Variants in NAV2 observed in about 807,000 individuals in gnomAD.
NAV2 encodes the protein neuron navigator 2.
Under a neutral mutation model 223.2 loss-of-function variants are expected in NAV2, and 54 were observed. The ratio of observed to expected loss-of-function variants is 0.24; its 90% CI spans 0.19 to 0.30. The LOEUF (loss-of-function observed/expected upper bound fraction) is 0.30, where lower values mean the gene tolerates loss of function less well. Among genes scored for constraint, NAV2 ranks in the 10% least tolerant of loss-of-function variants. The pLI is 1.00. For synonymous variants in NAV2, 1,279 were observed against 1,239.3 expected, an observed-to-expected ratio of 1.03 and a Z score of -0.67; for missense variants, 2,806 against 3,147.5, an observed-to-expected ratio of 0.89 and a Z score of 2.60.
rs2047159422 is a variant in NAV2 at position 19,948,958 on chromosome 11, G to T, written c.2523G>T (p.Val841=). The T allele has an allele frequency of 3.1e-6, 5 of 1,613,948 alleles. No homozygotes were observed. The highest frequency in any genetic ancestry group is 2.5e-6 in the Non-Finnish European group (3 of 1,179,888). Residue 841 remains valine, a synonymous_variant, in exon 10 of 38, where the codon GTG becomes GTT. Transcript: ENST00000349880. The stretch of plus-strand genomic sequence containing the variant: ...CCCGGGGCAGTAGTGTCTGCCATGT[G>T]GACGTCTCAGACAAGGCAGGAGATG... The part of the protein sequence containing the change: ...LASRGSSVCH[V]DVSDKAGDEM...
At chr11:19,597,673 C>T in intron 1 of NAV2, among the ~76,000 whole-genome samples, 1 of 152,250 alleles carries the variant, frequency 6.6e-6, no homozygotes, top group East Asian at 1.9e-4. Flanking sequence ...CTTGTTACTT[C>T]AGAAATAATT....
chr11:19,513,881 G>T (rs1326901903), intron 1 of NAV2, among the ~76,000 whole-genome samples: 4 of 152,190 alleles, frequency 2.6e-5, no homozygotes, highest in Admixed American at 6.5e-5. Flanking sequence ...CACAAAGGAT[G>T]CCAAGGCTTG....
chr11:19,920,435 G>T (rs1275959323), intron 6 of NAV2, among the ~76,000 whole-genome samples: 1 of 152,108 alleles, frequency 6.6e-6, no homozygotes, highest in African/African-American at 2.4e-5. Context: ...TTACAGGCGT[G>T]TGCCACCACG....
chr11:20,095,936 G>T (rs970272950), intron 30 of NAV2, among the ~76,000 whole-genome samples, 169 bp downstream of exon 30: 4 of 152,210 alleles, frequency 2.6e-5, no homozygotes, highest in African/African-American at 9.6e-5. Context: ...GGAATGGAAG[G>T]ACAATGGTAA....
chr11:20,008,982 T>G (rs530832506), intron 11 of NAV2, among the ~76,000 whole-genome samples: 25 of 152,244 alleles, frequency 1.6e-4, no homozygotes, highest in Non-Finnish European at 3.2e-4. Context: ...TCCTTCTTAT[T>G]AGTCCCATCG....
At chr11:19,728,657 T>G (rs2051461206) in intron 1 of NAV2, among the ~76,000 whole-genome samples, 1 of 152,216 alleles carries the variant, frequency 6.6e-6, no homozygotes, top group Non-Finnish European at 1.5e-5. Flanking sequence ...CTCTCAGCAC[T>G]AAATGCGATC....
intron 1 of NAV2, among the ~76,000 whole-genome samples, chr11:19,753,935 G>A (rs2152509920): frequency 6.6e-6 from 1 of 152,336 alleles, no homozygotes; most frequent in Non-Finnish European, 1.5e-5. Flanking sequence ...AGCTTGGTGG[G>A]TGGAGGTTTT....
At chr11:19,575,905 T>G (rs1290025225) in intron 1 of NAV2, among the ~76,000 whole-genome samples, 1 of 152,144 alleles carries the variant, frequency 6.6e-6, no homozygotes, top group African/African-American at 2.4e-5. Flanking sequence ...TAGTTTTAAG[T>G]TGTAGCCCAT....
intron 1 of NAV2, among the ~76,000 whole-genome samples, chr11:19,571,535 A>C (rs2045423839): frequency 6.6e-6 from 1 of 152,062 alleles, no homozygotes; most frequent in Non-Finnish European, 1.5e-5. Context: ...GTGAAACCCC[A>C]TCTGTACTAA....
upstream of NAV2, among the ~76,000 whole-genome samples, chr11:19,347,982 C>T (rs1405113156): frequency 1.3e-5 from 2 of 152,180 alleles, no homozygotes; most frequent in Non-Finnish European, 2.9e-5. Context: ...GTGACTCTCT[C>T]CCCTCTGGCT....
At chr11:20,026,165 G>A (rs115192621) in intron 11 of NAV2, among the ~76,000 whole-genome samples, 1,628 of 152,202 alleles carry the variant, frequency 0.011, 37 homozygotes, top group African/African-American at 0.037. Context: ...AAATTTGCTG[G>A]GGTTAGTGAC....
At chr11:19,749,035 T>A (rs1462423288) in intron 1 of NAV2, among the ~76,000 whole-genome samples, 2 of 152,192 alleles carry the variant, frequency 1.3e-5, no homozygotes. Context: ...CCCTTTAAAG[T>A]TTTACCAGCA....
intron 1 of NAV2, among the ~76,000 whole-genome samples, chr11:19,576,516 T>C (rs1200733527): frequency 6.6e-6 from 1 of 152,254 alleles, no homozygotes. Context: ...TATTTTGGTA[T>C]ATTGAGATAG....
intron 1 of NAV2, among the ~76,000 whole-genome samples, chr11:19,678,501 T>A (rs1352117717): frequency 6.6e-6 from 1 of 152,146 alleles, no homozygotes; most frequent in Non-Finnish European, 1.5e-5. Flanking sequence ...TCTCTTTTCA[T>A]CAACTGTTTA....
At position 19,897,884 on chromosome 11, in the gene NAV2, A is replaced by ATT. The variant is rs1301322186; in HGVS notation, c.931+5292_931+5293dup. On this transcript the variant is annotated intron_variant, in intron 6 of 37. Coordinates refer to ENST00000349880, the MANE Select transcript of NAV2 (RefSeq NM_145117.5). ...GAGCCACAGCTGTGCCTGACCTGTGATTTATATATATATATATATATGTGA... is the reference window on the plus strand; with the variant it reads ...GAGCCACAGCTGTGCCTGACCTGTGATTTTTATATATATATATATATATGTGA... 5.4e-4 allele frequency among the ~76,000 whole-genome samples: 71 copies of ATT among 132,276 alleles called. 4 individuals carry two copies. The highest frequency in any genetic ancestry group is 2.3e-3 in the South Asian group (9 of 3,976). 86.8% of individuals were successfully genotyped at this position (132,276 alleles called of 152,430 possible). A position where few individuals can be genotyped will look rare whatever the true frequency, so the allele number is the denominator to read the frequency against.
At chr11:19,706,543 T>G (rs1214185056) in intron 1 of NAV2, among the ~76,000 whole-genome samples, 1 of 152,220 alleles carries the variant, frequency 6.6e-6, no homozygotes, top group Non-Finnish European at 1.5e-5. Flanking sequence ...CTGTTTGGTT[T>G]CCCTACTAGA....
intron 25 of NAV2, chr11:20,082,486 T>C: frequency 9.4e-7 from 1 of 1,067,012 alleles, no homozygotes; most frequent in Non-Finnish European, 1.5e-6. Flanking sequence ...TTATTAGCCA[T>C]GTTGTGTCTG....
intron 1 of NAV2, among the ~76,000 whole-genome samples, chr11:19,531,472 T>A (rs1262721534): frequency 6.6e-6 from 1 of 152,122 alleles, no homozygotes; most frequent in Non-Finnish European, 1.5e-5. Flanking sequence ...TGGTAGCAGA[T>A]TGGTAGGAAA....
Position 20,044,190 on chromosome 11 carries a change from A to G in NAV2, c.3117A>G (p.Arg1039=), listed in dbSNP as rs1165634859. The G allele has an allele frequency of 6.2e-7, 1 of 1,614,216 alleles. No homozygotes were observed. The highest frequency in any genetic ancestry group is 1.1e-5 in the South Asian group (1 of 91,088). The change falls in exon 13 of 38, where the codon CGA becomes CGG. Residue 1039 remains arginine (R), a synonymous_variant. Coordinates refer to ENST00000349880, the MANE Select transcript of NAV2 (RefSeq NM_145117.5). ...PVISQTGSWR[R]GMTAQVGITM... is the part of the protein sequence containing the mutation. ...TCTCCCAGACAGGCTCATGGCGGCG[A>G]GGCATGACAGCTCAGGTGGGCATCA... is the stretch of plus-strand genomic sequence containing the variant.
Sources: gnomAD v4.1 joint callset for allele counts (sites outside exome capture counted in the v4.1 genomes callset) on GRCh38, gnomAD v4.1.1 for gene constraint, MANE v1.5 for transcripts, NCBI Gene and HGNC (gene_info 2026-07-23, HGNC 2026-07-21) for gene names.